IL7: variants seen among roughly 807,000 people sequenced by gnomAD.
IL7 encodes interleukin-7.
In IL7, 3 loss-of-function variants were observed where a neutral mutation model predicts 21.6. That is an observed-to-expected ratio of 0.14 (90% confidence interval 0.06 to 0.36). IL7 has a LOEUF of 0.36. Among genes scored for constraint, IL7 ranks in the 10% least tolerant of loss-of-function variants. IL7 has a pLI of 1.00. For missense variants in IL7, 175 were observed against 200.2 expected (o/e 0.87, Z 0.76); for synonymous variants, 62 against 68.1 (o/e 0.91, Z 0.44).
intron 2 of IL7, among the ~76,000 whole-genome samples, chr8:78,762,663 T>A (rs1057042057): frequency 2.0e-5 from 3 of 150,262 alleles, no homozygotes; most frequent in African/African-American, 7.4e-5. Context: ...TTTTTTTTTT[T>A]CTATTGTGTC....
intron 2 of IL7, 159 bp downstream of exon 2, chr8:78,797,913 G>T: frequency 2.1e-6 from 1 of 481,116 alleles, no homozygotes; most frequent in Non-Finnish European, 3.7e-6. Context: ...AATTATGTCA[G>T]CTATAAAAAT....
chr8:78,675,056 GT>G (rs1809536813), downstream of IL7, among the ~76,000 whole-genome samples: 1 of 151,430 alleles, frequency 6.6e-6, no homozygotes, highest in South Asian at 2.1e-4. Context: ...AAAGAATGCA[GT>G]TTCTTTTTTT....
rs1388809924 is a variant in IL7 at position 78,738,555 on chromosome 8, G to T, written c.309C>A (p.His103Gln). Residue 103 changes from histidine to glutamine, a missense_variant, in exon 4 of 6, where the codon CAC (histidine) becomes CAA (glutamine). His to Gln is a conservative substitution (Grantham distance 24, BLOSUM62 0). Transcript: ENST00000263851. Reference protein sequence around the residue: ...KMNSTGDFDLHLLKVSEGTTI... With the variant: ...KMNSTGDFDLQLLKVSEGTTI... ...TTGTGCCTTCTGAAACTTTTAATAA[G>T]TGGAGATCAAAATCACCAGTGCTAT... 15 of 1,613,364 alleles carry T rather than the reference G, an allele frequency of 9.3e-6. No individual in the cohort carries two copies. The highest frequency in any genetic ancestry group is 1.2e-5 in the Non-Finnish European group (14 of 1,179,458).
chr8:78,795,264 G>A (rs918407456), intron 2 of IL7, among the ~76,000 whole-genome samples: 2 of 152,042 alleles, frequency 1.3e-5, no homozygotes, highest in Non-Finnish European at 2.9e-5. Flanking sequence ...CACACTGAAT[G>A]AATGAGTAAC....
At chr8:78,756,403 G>A (rs918852895) in intron 2 of IL7, among the ~76,000 whole-genome samples, 14 of 151,648 alleles carry the variant, frequency 9.2e-5, no homozygotes. Flanking sequence ...CATTTGTCTT[G>A]CTTTAAAAGT....
chr8:78,751,873 T>C (rs184908887), intron 2 of IL7, among the ~76,000 whole-genome samples: 1 of 152,304 alleles, frequency 6.6e-6, no homozygotes, highest in East Asian at 1.9e-4. Flanking sequence ...ATTCCTCCTA[T>C]CTAGTTATAA....
chr8:78,749,481 A>G (rs927288581), intron 2 of IL7, among the ~76,000 whole-genome samples: 6 of 152,202 alleles, frequency 3.9e-5, no homozygotes, highest in Non-Finnish European at 8.8e-5. Flanking sequence ...GGAGAGAAAG[A>G]GAGGATCCCC....
chr8:78,692,755 T>C (rs1810251075), intron 3 of IL7, among the ~76,000 whole-genome samples: 2 of 152,084 alleles, frequency 1.3e-5, no homozygotes, highest in Non-Finnish European at 2.9e-5. Context: ...TAGTATACTT[T>C]AGTTTTAGGG....
chr8:78,717,770 G>A (rs533789653), downstream of IL7: 44 of 220,652 alleles, frequency 2.0e-4, no homozygotes, highest in South Asian at 5.3e-3. Flanking sequence ...ATTAATTTAG[G>A]TGTTACTTTT....
At chr8:78,681,396 A>T (rs185585941) in intron 4 of IL7, among the ~76,000 whole-genome samples, 3 of 152,370 alleles carry the variant, frequency 2.0e-5, no homozygotes, top group Admixed American at 6.5e-5. Context: ...ATCACAGAGC[A>T]GATGAATGTT....
At chr8:78,755,354 T>C (rs1401820400) in intron 2 of IL7, among the ~76,000 whole-genome samples, 1 of 152,126 alleles carries the variant, frequency 6.6e-6, no homozygotes, top group Non-Finnish European at 1.5e-5. Context: ...TTTTTCTCTT[T>C]CTGTGAAAAA....
intron 3 of IL7, among the ~76,000 whole-genome samples, chr8:78,702,782 T>G (rs1810647598): frequency 6.6e-6 from 1 of 152,230 alleles, no homozygotes; most frequent in South Asian, 2.1e-4. Flanking sequence ...AGTTAATTTC[T>G]TAATCTTGAT....
chr8:78,767,788 T>C (rs188291979), intron 2 of IL7, among the ~76,000 whole-genome samples: 291 of 152,278 alleles, frequency 1.9e-3, no homozygotes, highest in Admixed American at 3.3e-3. Context: ...ATTATTATTA[T>C]ACTTTAAGTT....
intron 3 of IL7, among the ~76,000 whole-genome samples, chr8:78,705,079 T>C (rs1355994456): frequency 2.0e-5 from 3 of 152,232 alleles, no homozygotes; most frequent in Non-Finnish European, 4.4e-5. Context: ...TTCCTGTCCG[T>C]ATCCTGAATT....
At chr8:78,740,107 A>G in intron 2 of IL7, 25 bp from the exon 3 acceptor site, 3 of 1,366,116 alleles carry the variant, frequency 2.2e-6, no homozygotes, top group Non-Finnish European at 1.9e-6. Context: ...ATAAAATAAT[A>G]TGGTTAAAAC....
chr8:78,769,395 C>A (rs973195032), intron 2 of IL7, among the ~76,000 whole-genome samples: 27 of 152,152 alleles, frequency 1.8e-4, no homozygotes, highest in Non-Finnish European at 3.2e-4. Flanking sequence ...CAATAACAGA[C>A]AAACAGAGAG....
chr8:78,707,855 CTT>C (rs34584205), intron 3 of IL7, among the ~76,000 whole-genome samples: 179 of 143,290 alleles, frequency 1.2e-3, no homozygotes, highest in South Asian at 1.6e-3. Flanking sequence ...CTTTTTTTTT[CTT>C]TTTTTTTTTT....
chr8:78,687,913 A>AT (rs34974282), intron 3 of IL7, among the ~76,000 whole-genome samples: 1 of 11,570 alleles, frequency 8.6e-5, no homozygotes, highest in Non-Finnish European at 3.9e-4. Flanking sequence ...ATTTATATAA[A>AT]TATATAATTA....
At chr8:78,734,572 G>T (rs1307826749) in intron 5 of IL7, among the ~76,000 whole-genome samples, 1 of 152,146 alleles carries the variant, frequency 6.6e-6, no homozygotes, top group Non-Finnish European at 1.5e-5. Flanking sequence ...ACCAGGAGGT[G>T]ATATCAGTTG....
Sources: allele counts gnomAD v4.1 joint callset (sites outside exome capture counted in the v4.1 genomes callset), GRCh38; gene constraint gnomAD v4.1.1; transcripts MANE v1.5; gene names NCBI Gene and HGNC (gene_info 2026-07-23, HGNC 2026-07-21).